The following RTN4RL1 variants were observed in gnomAD, a reference collection of about 807,000 sequenced individuals.
RTN4RL1 encodes the protein reticulon-4 receptor-like 1.
In RTN4RL1, 7 loss-of-function variants were observed where a neutral mutation model predicts 25.6. The ratio of observed to expected loss-of-function variants is 0.27; its 90% CI spans 0.16 to 0.51. RTN4RL1 has a LOEUF of 0.51. Ranked by LOEUF, RTN4RL1 falls within the 20% of genes least tolerant of loss-of-function variation. The probability of loss-of-function intolerance (pLI) is 0.97; values close to 1 mark genes in which losing one functional copy is unlikely to be tolerated. For synonymous variants in RTN4RL1, 297 were observed against 288.2 expected (o/e 1.03, Z -0.31); for missense variants, 500 against 615.6 (o/e 0.81, Z 1.99).
intron 1 of RTN4RL1, among the ~76,000 whole-genome samples, chr17:1,941,551 G>C (rs940141029): frequency 5.9e-5 from 9 of 152,192 alleles, no homozygotes; most frequent in African/African-American, 2.2e-4. Context: ...AGTGTGGGCA[G>C]CCCCTCCCGT....
chr17:1,965,259 G>GC (rs1448665498), intron 1 of RTN4RL1, among the ~76,000 whole-genome samples: 2 of 151,330 alleles, frequency 1.3e-5, no homozygotes, highest in African/African-American at 2.4e-5. Flanking sequence ...ACAGGCGCGC[G>GC]CCCCCCATGC....
At chr17:1,938,189 C>T (rs888570713) in intron 1 of RTN4RL1, among the ~76,000 whole-genome samples, 1 of 152,210 alleles carries the variant, frequency 6.6e-6, no homozygotes, top group African/African-American at 2.4e-5. Context: ...CTAGCTGTGC[C>T]GCTGGTTGTT....
At position 1,988,090 on chromosome 17, in the gene RTN4RL1, G is replaced by A. The variant is rs547688470; in HGVS notation, c.13+36763C>T. On this transcript the variant is annotated intron_variant, in intron 1 of 1. Coordinates refer to ENST00000331238, the MANE Select transcript of RTN4RL1 (RefSeq NM_178568.4). ...CATTGCACTCCAGCCTAGGAAACAA[G>A]AGCGAAACTCCATCTCAGAAAAAAA... 1.3e-4 allele frequency among the ~76,000 whole-genome samples: 19 copies of A among 150,590 alleles called. No homozygotes were observed. In the South Asian group the frequency reaches 4.0e-3, roughly 32 times the overall value.
At position 2,005,473 on chromosome 17, in the gene RTN4RL1, C is replaced by T. The variant is rs375795958; in HGVS notation, c.13+19380G>A. 5.9e-5 allele frequency among the ~76,000 whole-genome samples: 9 copies of T among 152,350 alleles called. No homozygotes were observed. The South Asian group carries it at 1.0e-3, about 18-fold the overall frequency. On this transcript the variant is annotated intron_variant, in intron 1 of 1. Transcript: ENST00000331238. ...CTCCACTCAGAGGTGAAGGGCTTGG[C>T]CACTGACCTTTGCAATTAGGCCCTC... is the stretch of plus-strand genomic sequence containing the variant.
At chr17:1,983,910 A>G (rs997747382) in intron 1 of RTN4RL1, among the ~76,000 whole-genome samples, 1 of 152,064 alleles carries the variant, frequency 6.6e-6, no homozygotes, top group Non-Finnish European at 1.5e-5. Context: ...GCTCCACCCA[A>G]TCCGGATCGG....
At position 2,024,817 on chromosome 17, in the gene RTN4RL1, A is replaced by G. The variant is rs1415430267; in HGVS notation, c.13+36T>C. 5.1e-6 allele frequency: 8 copies of G among 1,558,256 alleles called. No individual in the cohort carries two copies. In the Admixed American group the frequency reaches 5.7e-5, roughly 11 times the overall value. The stretch of plus-strand genomic sequence containing the variant: ...GGGCTCGCGGCTCTTTCCGGAGCGC[A>G]TTCAACTTCAACTTGCCCCTGCGGC... On this transcript the variant is annotated intron_variant, in intron 1 of 1. Coordinates refer to ENST00000331238, the MANE Select transcript of RTN4RL1 (RefSeq NM_178568.4).
intron 1 of RTN4RL1, among the ~76,000 whole-genome samples, chr17:1,960,289 C>G (rs1290314451): frequency 2.0e-5 from 3 of 151,962 alleles, no homozygotes; most frequent in Non-Finnish European, 4.4e-5. Context: ...CCATCACCAC[C>G]CACAGCCTAA....
chr17:1,948,612 C>T (rs900043434), intron 1 of RTN4RL1, among the ~76,000 whole-genome samples: 5 of 151,918 alleles, frequency 3.3e-5, no homozygotes, highest in African/African-American at 1.2e-4. Context: ...CACAGGTGGA[C>T]GGGCGGACGG....
intron 1 of RTN4RL1, among the ~76,000 whole-genome samples, chr17:1,952,207 C>G (rs1318423582): frequency 3.9e-5 from 6 of 152,108 alleles, no homozygotes; most frequent in South Asian, 2.1e-4. Context: ...ACGAATACCC[C>G]CAGGGGAGTT....
Position 1,950,585 on chromosome 17 carries a change from G to A in RTN4RL1, c.14-12777C>T, listed in dbSNP as rs920847634. Among the ~76,000 whole-genome samples, 11 of 152,176 alleles carry A rather than the reference G, an allele frequency of 7.2e-5. No homozygotes were observed. The South Asian group carries it at 1.0e-3, about 14-fold the overall frequency. ...GAATGAAGCCGGGGCAGCAGCTCAC[G>A]CCTGGAATCCCAGCACTTTGGGAGG... On this transcript the variant is annotated intron_variant, in intron 1 of 1. Transcript: ENST00000331238.
chr17:2,021,748 T>A (rs1213394256), intron 1 of RTN4RL1, among the ~76,000 whole-genome samples: 1 of 150,926 alleles, frequency 6.6e-6, no homozygotes, highest in African/African-American at 2.4e-5. Flanking sequence ...AGAGACGGGG[T>A]TTCACCATGT....
At chr17:1,965,186 T>C (rs1056478518) in intron 1 of RTN4RL1, among the ~76,000 whole-genome samples, 6 of 151,166 alleles carry the variant, frequency 4.0e-5, no homozygotes, top group East Asian at 1.9e-4. Flanking sequence ...CTCACCTCAC[T>C]GCAACCTCTG....
At chr17:1,950,846 CAAAAAA>C (rs61660812) in intron 1 of RTN4RL1, among the ~76,000 whole-genome samples, 1,340 of 17,506 alleles carry the variant, frequency 0.077, 11 homozygotes, top group African/African-American at 0.21. Context: ...ACACAGTCTC[CAAAAAA>C]AAAAAAAAAA....
At chr17:1,984,850 C>A (rs368483237) in intron 1 of RTN4RL1, among the ~76,000 whole-genome samples, 1 of 152,008 alleles carries the variant, frequency 6.6e-6, no homozygotes, top group South Asian at 2.1e-4. Context: ...ACCTGTAATC[C>A]CAGCTACTCA....
At chr17:2,007,863 T>A (rs967859208) in intron 1 of RTN4RL1, among the ~76,000 whole-genome samples, 4 of 151,480 alleles carry the variant, frequency 2.6e-5, no homozygotes, top group African/African-American at 7.3e-5. Flanking sequence ...GGAGAATCGC[T>A]TGACCCTGGA....
chr17:1,977,017 C>A (rs1426233933), intron 1 of RTN4RL1, among the ~76,000 whole-genome samples: 1 of 152,122 alleles, frequency 6.6e-6, no homozygotes, highest in Non-Finnish European at 1.5e-5. Context: ...AGATCAGACT[C>A]CCTGTGCTAC....
chr17:2,010,892 G>A (rs1440603189), intron 1 of RTN4RL1, among the ~76,000 whole-genome samples: 1 of 152,144 alleles, frequency 6.6e-6, no homozygotes, highest in Non-Finnish European at 1.5e-5. Context: ...CGGTGCCTTG[G>A]ATTTTATTCA....
intron 1 of RTN4RL1, among the ~76,000 whole-genome samples, chr17:1,943,859 G>A (rs1010084151): frequency 1.3e-5 from 2 of 152,156 alleles, no homozygotes; most frequent in Non-Finnish European, 2.9e-5. Context: ...GATGGGCAGG[G>A]GCTCCTTGTC....
At position 2,012,364 on chromosome 17, in the gene RTN4RL1, GGC is replaced by G. The variant is rs758724208; in HGVS notation, c.13+12487_13+12488del. ...AAGGAACACAGCTGGGCTGCGGTGAGGCGGCCCTAAGGCCCTGCCCAAGCTAC... is the reference window on the plus strand; with the variant it reads ...AAGGAACACAGCTGGGCTGCGGTGAGGGCCCTAAGGCCCTGCCCAAGCTAC... On this transcript the variant is annotated intron_variant, in intron 1 of 1. Coordinates refer to ENST00000331238, the MANE Select transcript of RTN4RL1 (RefSeq NM_178568.4). Among the ~76,000 whole-genome samples, 8 of 152,248 alleles carry G rather than the reference GGC, an allele frequency of 5.3e-5. No individual in the cohort carries two copies. The South Asian group carries it at 8.3e-4, about 16-fold the overall frequency.
Sources: gnomAD v4.1 joint callset for allele counts (sites outside exome capture counted in the v4.1 genomes callset) on GRCh38, gnomAD v4.1.1 for gene constraint, MANE v1.5 for transcripts, NCBI Gene and HGNC (gene_info 2026-07-23, HGNC 2026-07-21) for gene names.